ZBTB7C: variants seen among roughly 807,000 people sequenced by gnomAD.
ZBTB7C encodes zinc finger and BTB domain-containing protein 7C.
In ZBTB7C, 8 loss-of-function variants were observed where a neutral mutation model predicts 25.7. That is an observed-to-expected ratio of 0.31 (90% CI 0.18 to 0.56). ZBTB7C has a LOEUF of 0.56. Among genes scored for constraint, ZBTB7C ranks in the 20% least tolerant of loss-of-function variants. ZBTB7C has a pLI of 0.91. For missense variants in ZBTB7C, 824 were observed against 855.2 expected, an observed-to-expected ratio of 0.96 and a Z score of 0.46; for synonymous variants, 394 against 369.0, an observed-to-expected ratio of 1.07 and a Z score of -0.78.
At chr18:48,066,141 T>C (rs1325572354) in intron 3 of ZBTB7C, among the ~76,000 whole-genome samples, 2 of 152,230 alleles carry the variant, frequency 1.3e-5, no homozygotes, top group Non-Finnish European at 2.9e-5. Flanking sequence ...GTTCATCTCC[T>C]GAGGCCCCAT....
intron 3 of ZBTB7C, among the ~76,000 whole-genome samples, chr18:48,060,199 T>A (rs1165834592): frequency 1.3e-5 from 2 of 152,122 alleles, no homozygotes; most frequent in Non-Finnish European, 2.9e-5. Context: ...GAGAGGAATT[T>A]TTAGCTTTTC....
At chr18:48,092,505 G>C (rs749627121) in intron 3 of ZBTB7C, among the ~76,000 whole-genome samples, 1 of 152,234 alleles carries the variant, frequency 6.6e-6, no homozygotes, top group Non-Finnish European at 1.5e-5. Context: ...CTTAAAAAAT[G>C]CTGTTGAATT....
At chr18:48,041,455 G>GA in intron 3 of ZBTB7C, 2 of 985,430 alleles carry the variant, frequency 2.0e-6, no homozygotes, top group Non-Finnish European at 2.4e-6. Context: ...ACAACTGCAG[G>GA]ATGAAAAGCC....
chr18:48,246,179 G>A (rs1020079917), intron 2 of ZBTB7C, among the ~76,000 whole-genome samples: 4 of 152,030 alleles, frequency 2.6e-5, no homozygotes, highest in Admixed American at 6.6e-5. Context: ...TAGGCCGGGC[G>A]CGGTGGCTCA....
At chr18:48,347,950 G>C (rs982886366) in intron 1 of ZBTB7C, among the ~76,000 whole-genome samples, 7 of 152,232 alleles carry the variant, frequency 4.6e-5, no homozygotes, top group Non-Finnish European at 8.8e-5. Flanking sequence ...GAGGAGGCCT[G>C]GAAGGCAGGT....
intron 1 of ZBTB7C, among the ~76,000 whole-genome samples, chr18:48,392,953 AG>A (rs1188279865): frequency 6.6e-6 from 1 of 152,176 alleles, no homozygotes; most frequent in African/African-American, 2.4e-5. Flanking sequence ...CTCTTACTTC[AG>A]CTCCAGGGAC....
chr18:48,343,585 G>C (rs927752645), intron 1 of ZBTB7C, among the ~76,000 whole-genome samples: 1 of 152,188 alleles, frequency 6.6e-6, no homozygotes, highest in Non-Finnish European at 1.5e-5. Flanking sequence ...TTGTATCCCA[G>C]CTCCACCACC....
intron 2 of ZBTB7C, among the ~76,000 whole-genome samples, chr18:48,198,606 G>A (rs938789923): frequency 8.5e-5 from 13 of 152,178 alleles, no homozygotes; most frequent in African/African-American, 2.2e-4. Flanking sequence ...AACCTCGGGC[G>A]AGCCCTTCCC....
intron 2 of ZBTB7C, among the ~76,000 whole-genome samples, chr18:48,193,941 G>C (rs1188477204): frequency 1.3e-5 from 2 of 152,262 alleles, no homozygotes; most frequent in Admixed American, 6.5e-5. Context: ...CAGAGGGAGT[G>C]GGGGAGGTTG....
chr18:48,040,491 T>C lies in ZBTB7C; in HGVS notation c.617A>G (p.Asp206Gly). ...TEKAYSDTPR[D>G]FPDSFQAGSP... ...GCCAGCCTGGAAGGAGTCAGGGAAGTCCCTGGGGGTGTCTGAATAGGCCTT... is the reference window on the plus strand; with the variant it reads ...GCCAGCCTGGAAGGAGTCAGGGAAGCCCCTGGGGGTGTCTGAATAGGCCTT... The change falls in exon 4 of 5, where the codon GAC becomes GGC. Residue 206 changes from aspartate (D) to glycine (G), a missense_variant. Asp to Gly is a moderately conservative substitution (Grantham distance 94). Around this residue, in one of 4 missense-constraint regions of ZBTB7C, gnomAD observed 316 missense variants for 299.2 expected, o/e 1.06. Coordinates refer to ENST00000590800, the MANE Select transcript of ZBTB7C (RefSeq NM_001318841.2). 6.2e-7 allele frequency: 1 copy of C among 1,611,824 alleles called. No individual in the cohort carries two copies. The highest frequency in any genetic ancestry group is 8.5e-7 in the Non-Finnish European group (1 of 1,178,772).
chr18:48,132,147 C>T (rs2040005956), intron 3 of ZBTB7C, among the ~76,000 whole-genome samples: 1 of 152,138 alleles, frequency 6.6e-6, no homozygotes, highest in East Asian at 1.9e-4. Context: ...ATATATCCAT[C>T]ACGGGTAAAT....
chr18:48,091,551 G>A (rs190184835), intron 3 of ZBTB7C, among the ~76,000 whole-genome samples: 208 of 152,256 alleles, frequency 1.4e-3, no homozygotes, highest in African/African-American at 4.9e-3. Flanking sequence ...GTATCGGACA[G>A]CTCATGACTG....
At chr18:48,112,260 C>CTTTTTTTTTTTTTTTTTTTTTTTT (rs1048802422) in intron 3 of ZBTB7C, among the ~76,000 whole-genome samples, 1 of 120,054 alleles carries the variant, frequency 8.3e-6, no homozygotes, top group Non-Finnish European at 1.8e-5. Context: ...TAATTTTTTT[C>CTTTTTTTTTTTTTTTTTTTTTTTT]TTTTTTTTTT....
chr18:48,053,251 G>C (rs542406786), intron 3 of ZBTB7C, among the ~76,000 whole-genome samples: 1 of 152,152 alleles, frequency 6.6e-6, no homozygotes, highest in Non-Finnish European at 1.5e-5. Flanking sequence ...GGGAGCGGCC[G>C]CTTCTGCAGA....
chr18:48,110,277 A>G (rs528372176), intron 3 of ZBTB7C, among the ~76,000 whole-genome samples: 2 of 151,660 alleles, frequency 1.3e-5, no homozygotes, highest in African/African-American at 2.4e-5. Context: ...ACGCCGTGCC[A>G]CTCCCTGACC....
At chr18:48,287,958 C>G (rs1350803156) in intron 2 of ZBTB7C, among the ~76,000 whole-genome samples, 1 of 152,198 alleles carries the variant, frequency 6.6e-6, no homozygotes, top group Non-Finnish European at 1.5e-5. Context: ...TGAAACTTAA[C>G]AGTGATGCAC....
intron 2 of ZBTB7C, among the ~76,000 whole-genome samples, chr18:48,306,199 G>A (rs2045670240): frequency 6.6e-6 from 1 of 152,154 alleles, no homozygotes; most frequent in Non-Finnish European, 1.5e-5. Flanking sequence ...TGGGCTGAGG[G>A]TGGGTGATCT....
At chr18:48,051,275 G>T (rs2144247124) in intron 3 of ZBTB7C, among the ~76,000 whole-genome samples, 1 of 152,342 alleles carries the variant, frequency 6.6e-6, no homozygotes, top group Middle Eastern at 3.4e-3. Context: ...ATGGGCAGAT[G>T]GGTGAGGAAG....
chr18:48,380,461 A>G (rs1008297432), intron 1 of ZBTB7C, among the ~76,000 whole-genome samples: 1 of 152,206 alleles, frequency 6.6e-6, no homozygotes, highest in East Asian at 1.9e-4. Context: ...ATCGGTATGA[A>G]CTCATGTTTA....
Sources: allele counts gnomAD v4.1 joint callset (sites outside exome capture counted in the v4.1 genomes callset), GRCh38; gene constraint gnomAD v4.1.1; regional missense constraint gnomAD v4.1.1; transcripts MANE v1.5; gene names NCBI Gene and HGNC (gene_info 2026-07-23, HGNC 2026-07-21).